The following ZFYVE9 variants were observed in gnomAD, a reference collection of about 807,000 sequenced individuals.
ZFYVE9 encodes the protein zinc finger FYVE-type containing 9, also known as zinc finger FYVE domain-containing protein 9.
Under a neutral mutation model 126.7 loss-of-function variants are expected in ZFYVE9, and 43 were observed. The observed-to-expected ratio is 0.34, with a 90% CI of 0.27 to 0.44. The LOEUF is 0.44. Among genes scored for constraint, ZFYVE9 ranks in the 20% least tolerant of loss-of-function variants. The pLI, the probability that ZFYVE9 is intolerant of heterozygous loss-of-function variation, is 1.00. For synonymous variants in ZFYVE9, 521 were observed against 597.4 expected (o/e 0.87, Z 1.87); for missense variants, 1,476 against 1,697.0 (o/e 0.87, Z 2.29).
At chr1:52,225,332 T>C (rs1398926235) in intron 2 of ZFYVE9, among the ~76,000 whole-genome samples, 1 of 152,080 alleles carries the variant, frequency 6.6e-6, no homozygotes, top group African/African-American at 2.4e-5. Flanking sequence ...CACTAGCCCC[T>C]CCCAAAGGAG....
chr1:52,186,440 A>G (rs749123752), intron 1 of ZFYVE9, among the ~76,000 whole-genome samples: 1 of 152,138 alleles, frequency 6.6e-6, no homozygotes, highest in Non-Finnish European at 1.5e-5. Flanking sequence ...CACTACTCCT[A>G]TTCAGCACAG....
intron 1 of ZFYVE9, chr1:52,179,835 T>G (rs1644681005): frequency 1.6e-6 from 1 of 640,674 alleles, no homozygotes; most frequent in Non-Finnish European, 2.9e-6. Flanking sequence ...GCTTCAGCAA[T>G]TGGAAACAAG....
At chr1:52,197,151 A>G (rs532539085) in intron 1 of ZFYVE9, among the ~76,000 whole-genome samples, 4 of 152,302 alleles carry the variant, frequency 2.6e-5, no homozygotes, top group African/African-American at 9.6e-5. Flanking sequence ...AGATAATAGT[A>G]GCTTGGATGA....
intron 7 of ZFYVE9, among the ~76,000 whole-genome samples, chr1:52,269,971 C>A (rs1487565734): frequency 6.6e-6 from 1 of 152,036 alleles, no homozygotes; most frequent in Non-Finnish European, 1.5e-5. Flanking sequence ...AAAAATTCAA[C>A]CTACAGAAAA....
At chr1:52,235,602 G>A (rs1248729420) in intron 3 of ZFYVE9, among the ~76,000 whole-genome samples, 4 of 152,082 alleles carry the variant, frequency 2.6e-5, no homozygotes, top group African/African-American at 9.7e-5. Context: ...CACAATCTGA[G>A]TTTTGTGCCC....
At chr1:52,268,690 C>A in intron 7 of ZFYVE9, 58 bp downstream of exon 7, 1 of 1,555,006 alleles carries the variant, frequency 6.4e-7, no homozygotes, top group Non-Finnish European at 8.7e-7. Flanking sequence ...CATTGTGCTG[C>A]CTCTGTTGAA....
In ZFYVE9 at chr1:52,142,617, C is replaced by T. The variant is rs536106877; in HGVS notation, c.-143+214C>T. Among the ~76,000 whole-genome samples the T allele has an allele frequency of 4.0e-3, 615 of 152,242 alleles. 1 individual carries two copies. The highest frequency in any genetic ancestry group is 6.4e-3 in the Admixed American group (98 of 15,312). ...AGGCCCCGCGCCGTTGGGAAGCCCT[C>T]GCTCCGGCCTCGGTTCCGGCGCGGC... is the stretch of plus-strand genomic sequence containing the variant. On this transcript the variant is annotated intron_variant, in intron 1 of 18. Coordinates refer to ENST00000287727, the MANE Select transcript of ZFYVE9 (RefSeq NM_004799.4). The surrounding 1 kb of genome is among the most constrained non-coding windows in gnomAD (Gnocchi z 4.5).
rs748961863 is a variant in ZFYVE9, at chr1:52,274,543, A to T, written c.2705A>T (p.Asp902Val). 3.3e-5 allele frequency: 53 copies of T among 1,612,790 alleles called. No homozygotes were observed. Among genetic ancestry groups the T allele is most frequent in the Non-Finnish European group, 4.2e-5 (49 of 1,179,252 alleles). The change falls in exon 8 of 19, where the codon GAT becomes GTT. Residue 902 changes from aspartate to valine, a missense_variant. This residue lies in a region of ZFYVE9 where 669 missense variants were observed against 902.4 expected (regional missense o/e 0.74). Transcript: ENST00000287727. ...VGSAMNLIPEDGLPPILISTG... is the reference protein window; with the variant it reads ...VGSAMNLIPEVGLPPILISTG... ...AGTGCAATGAATCTTATTCCTGAAG[A>T]TGGCCTTCCTCCCATTCTCATCTCC...
At chr1:52,205,229 C>T (rs1644966756) in intron 1 of ZFYVE9, among the ~76,000 whole-genome samples, 1 of 151,912 alleles carries the variant, frequency 6.6e-6, no homozygotes, top group Non-Finnish European at 1.5e-5. Context: ...CGTGCACCAC[C>T]ACACCTGGCC....
At chr1:52,162,228 A>G (rs1484931580) in intron 1 of ZFYVE9, 3 of 266,428 alleles carry the variant, frequency 1.1e-5, no homozygotes, top group Non-Finnish European at 2.4e-5. Flanking sequence ...TGTGATCTGT[A>G]TCGACTATAA....
At chr1:52,183,711 G>A (rs1389602727) in intron 1 of ZFYVE9, among the ~76,000 whole-genome samples, 1 of 152,142 alleles carries the variant, frequency 6.6e-6, no homozygotes, top group African/African-American at 2.4e-5. Context: ...TCACCATGTT[G>A]CCCAGGCTGG....
chr1:52,158,413 G>A (rs889885897), intron 1 of ZFYVE9, among the ~76,000 whole-genome samples: 1 of 152,238 alleles, frequency 6.6e-6, no homozygotes, highest in Admixed American at 6.5e-5. Flanking sequence ...TGCCTTGCAG[G>A]TGACAGACCT....
intron 1 of ZFYVE9, among the ~76,000 whole-genome samples, chr1:52,206,529 TTTG>T (rs369258085): frequency 1.3e-3 from 202 of 151,998 alleles, no homozygotes; most frequent in African/African-American, 4.6e-3. Context: ...AGGTTTCTGT[TTTG>T]TTGTTGTTGT....
At chr1:52,259,592 A>G (rs1262470415) in intron 4 of ZFYVE9, among the ~76,000 whole-genome samples, 3 of 150,804 alleles carry the variant, frequency 2.0e-5, no homozygotes, top group African/African-American at 2.4e-5. Flanking sequence ...GTTCGAGACC[A>G]GCCTGGCCAA....
intron 13 of ZFYVE9, among the ~76,000 whole-genome samples, chr1:52,326,128 A>G (rs1451186082): frequency 6.6e-6 from 1 of 152,182 alleles, no homozygotes; most frequent in East Asian, 1.9e-4. Context: ...TGCTCTGGAA[A>G]TGTTACGTAC....
chr1:52,205,067 ATTTTTTTTTTT>A (rs891218048), intron 1 of ZFYVE9, among the ~76,000 whole-genome samples: 19 of 117,758 alleles, frequency 1.6e-4, no homozygotes, highest in Admixed American at 4.4e-4. Flanking sequence ...TGTGCTGTGA[ATTTTTTTTTTT>A]TTTTTTTTTT....
At chr1:52,250,061 G>A (rs1284614650) in intron 4 of ZFYVE9, among the ~76,000 whole-genome samples, 2 of 152,148 alleles carry the variant, frequency 1.3e-5, no homozygotes, top group Non-Finnish European at 2.9e-5. Flanking sequence ...GTCCTCTGGG[G>A]TTGTAGTTTG....
intron 13 of ZFYVE9, among the ~76,000 whole-genome samples, chr1:52,305,861 C>T (rs1646079123): frequency 6.6e-6 from 1 of 152,168 alleles, no homozygotes; most frequent in African/African-American, 2.4e-5. Context: ...AATCTCAGAG[C>T]AAAGTCGGGG....
rs1303732612 is a variant in ZFYVE9 at position 52,175,282 on chromosome 1, A to G, written c.-143+32879A>G. ...CTTATGAAGCTTAGTTTGGCTGGAT[A>G]TGAAATTCTGGGTTGAAAATTCTTT... On this transcript the variant is annotated intron_variant, in intron 1 of 18. Coordinates refer to ENST00000287727, the MANE Select transcript of ZFYVE9 (RefSeq NM_004799.4). Among the ~76,000 whole-genome samples, 7 of 150,184 alleles carry G rather than the reference A, an allele frequency of 4.7e-5. No homozygotes were observed. The East Asian group carries it at 1.4e-3, about 29-fold the overall frequency.
Sources: gnomAD v4.1 joint callset for allele counts (sites outside exome capture counted in the v4.1 genomes callset) on GRCh38, gnomAD v4.1.1 for gene constraint, gnomAD v4.1.1 regional missense constraint, Gnocchi (gnomAD v3.1) non-coding constraint, MANE v1.5 for transcripts, NCBI Gene and HGNC (gene_info 2026-07-23, HGNC 2026-07-21) for gene names.